Variants in CCDC3 observed in about 807,000 individuals in gnomAD.
CCDC3 encodes coiled-coil domain-containing protein 3.
Under a neutral mutation model 21.4 loss-of-function variants are expected in CCDC3, and 24 were observed. That is an observed-to-expected ratio of 1.12 (90% confidence interval 0.81 to 1.58). The LOEUF (loss-of-function observed/expected upper bound fraction) is 1.58. Ranked by LOEUF, CCDC3 falls within the 40% of genes most tolerant of loss-of-function variation. The pLI, the probability that CCDC3 is intolerant of heterozygous loss-of-function variation, is 0.00. For synonymous variants in CCDC3, 186 were observed against 166.0 expected, an observed-to-expected ratio of 1.12 and a Z score of -0.93; for missense variants, 425 against 360.9, an observed-to-expected ratio of 1.18 and a Z score of -1.44.
At chr10:13,025,559 CA>C (rs1016934729) in intron 5 of CCDC3, among the ~76,000 whole-genome samples, 1 of 152,160 alleles carries the variant, frequency 6.6e-6, no homozygotes, top group African/African-American at 2.4e-5. Flanking sequence ...AATATAACGT[CA>C]AAAAATCACT....
At chr10:12,987,385 A>C (rs142516783) in intron 2 of CCDC3, among the ~76,000 whole-genome samples, 43 of 152,350 alleles carry the variant, frequency 2.8e-4, no homozygotes, top group African/African-American at 9.4e-4. Context: ...ATATGGGGCT[A>C]TGAGAGCTGT....
At chr10:13,082,457 G>C (rs534758851) in intron 3 of CCDC3, among the ~76,000 whole-genome samples, 1 of 152,358 alleles carries the variant, frequency 6.6e-6, no homozygotes, top group East Asian at 1.9e-4. Flanking sequence ...GACCAGGAGC[G>C]TGACCGCTGA....
chr10:13,012,850 CCAAGTCA>C (rs1835999656), intron 5 of CCDC3, among the ~76,000 whole-genome samples: 1 of 151,972 alleles, frequency 6.6e-6, no homozygotes, highest in Non-Finnish European at 1.5e-5. Context: ...CCCGAGATCC[CCAAGTCA>C]CAAGTTTACC....
chr10:13,090,036 T>TAGATAGATAGATAG (rs1188514602), intron 3 of CCDC3, among the ~76,000 whole-genome samples: 27 of 1,844 alleles, frequency 0.015, no homozygotes, highest in African/African-American at 0.016. Flanking sequence ...TTCCGTTAGA[T>TAGATAGATAGATAG]ATATATATAT....
upstream of CCDC3, among the ~76,000 whole-genome samples, chr10:13,006,630 A>G (rs1459205436): frequency 6.6e-6 from 1 of 152,170 alleles, no homozygotes. Flanking sequence ...GCCATCACCC[A>G]TGGGTCAGAG....
chr10:13,075,328 A>G (rs1240062368), intron 3 of CCDC3, among the ~76,000 whole-genome samples: 1 of 152,240 alleles, frequency 6.6e-6, no homozygotes, highest in African/African-American at 2.4e-5. Flanking sequence ...TAGGAGCTCC[A>G]AAATCAGTGG....
chr10:12,968,107 T>C (rs1349055723), intron 2 of CCDC3, among the ~76,000 whole-genome samples: 1 of 151,426 alleles, frequency 6.6e-6, no homozygotes, highest in Non-Finnish European at 1.5e-5. Flanking sequence ...AGGCAGAGTT[T>C]GCAGGCAGCC....
chr10:13,072,599 C>A (rs577463978), intron 4 of CCDC3, among the ~76,000 whole-genome samples: 1 of 152,050 alleles, frequency 6.6e-6, no homozygotes, highest in Non-Finnish European at 1.5e-5. Flanking sequence ...CTCTTCAGTT[C>A]CTGTGTGGTG....
chr10:12,955,843 T>A (rs1040968939), intron 2 of CCDC3, among the ~76,000 whole-genome samples: 1 of 152,096 alleles, frequency 6.6e-6, no homozygotes, highest in Non-Finnish European at 1.5e-5. Context: ...CCCAAGTAAC[T>A]GGGATTACAA....
At chr10:12,916,969 C>G (rs1416703337) in intron 2 of CCDC3, among the ~76,000 whole-genome samples, 2 of 152,014 alleles carry the variant, frequency 1.3e-5, no homozygotes, top group African/African-American at 4.8e-5. Flanking sequence ...CAGAGCAGGC[C>G]TTTATGCCCA....
chr10:13,061,696 C>G (rs949133353), intron 4 of CCDC3, among the ~76,000 whole-genome samples: 3 of 152,194 alleles, frequency 2.0e-5, no homozygotes, highest in Non-Finnish European at 4.4e-5. Flanking sequence ...TACAGATAAA[C>G]TTAAACATTT....
intron 2 of CCDC3, among the ~76,000 whole-genome samples, chr10:12,927,221 G>A (rs1834557046): frequency 6.6e-6 from 1 of 152,112 alleles, no homozygotes; most frequent in African/African-American, 2.4e-5. Flanking sequence ...TAGCACTTCC[G>A]CCTCTCATTT....
intron 5 of CCDC3, among the ~76,000 whole-genome samples, chr10:13,024,830 C>T (rs138090817): frequency 2.6e-4 from 40 of 152,298 alleles, no homozygotes; most frequent in Non-Finnish European, 4.1e-4. Context: ...GGCAACCGTT[C>T]TGTTACTTGT....
chr10:12,948,522 C>A (rs1201482807), intron 2 of CCDC3, among the ~76,000 whole-genome samples: 1 of 151,806 alleles, frequency 6.6e-6, no homozygotes, highest in Non-Finnish European at 1.5e-5. Flanking sequence ...GCTCCAGAAC[C>A]CCGTGTGTTT....
At chr10:13,010,947 C>T (rs770654200) in intron 5 of CCDC3, among the ~76,000 whole-genome samples, 22 of 152,060 alleles carry the variant, frequency 1.4e-4, no homozygotes, top group African/African-American at 4.3e-4. Flanking sequence ...TTTGCGAGGC[C>T]GAGGTGGGTG....
At chr10:12,909,053 GGTATC>G (rs1834222824) in intron 2 of CCDC3, among the ~76,000 whole-genome samples, 1 of 152,158 alleles carries the variant, frequency 6.6e-6, no homozygotes, top group Non-Finnish European at 1.5e-5. Flanking sequence ...CCATCTTCCT[GGTATC>G]CTTGGACACT....
At chr10:13,054,117 C>G (rs1836648686) in intron 4 of CCDC3, among the ~76,000 whole-genome samples, 1 of 140,256 alleles carries the variant, frequency 7.1e-6, no homozygotes, top group Admixed American at 8.1e-5. Context: ...TGCACTCTGG[C>G]CTGGGTGACA....
At chr10:12,955,345 A>G (rs948293659) in intron 2 of CCDC3, among the ~76,000 whole-genome samples, 2 of 152,172 alleles carry the variant, frequency 1.3e-5, no homozygotes, top group Non-Finnish European at 1.5e-5. Context: ...TCACTCTCCA[A>G]TTAGGATTCC....
intron 2 of CCDC3, among the ~76,000 whole-genome samples, chr10:12,926,144 A>G (rs1227895247): frequency 6.6e-6 from 1 of 152,246 alleles, no homozygotes; most frequent in Non-Finnish European, 1.5e-5. Context: ...GTGGATAGTC[A>G]GGAGCAGAAA....
Sources: allele counts gnomAD v4.1 joint callset (sites outside exome capture counted in the v4.1 genomes callset), GRCh38; gene constraint gnomAD v4.1.1; transcripts MANE v1.5; gene names NCBI Gene and HGNC (gene_info 2026-07-23, HGNC 2026-07-21).